The following PSORS1C1 variants were observed in gnomAD, a reference collection of about 807,000 sequenced individuals.
The protein encoded by PSORS1C1 is psoriasis susceptibility 1 candidate gene 1 protein.
Under a neutral mutation model 9.4 loss-of-function variants are expected in PSORS1C1, and 7 were observed. The ratio of observed to expected loss-of-function variants is 0.75; its 90% CI spans 0.42 to 1.40. The LOEUF (loss-of-function observed/expected upper bound fraction) is 1.40. Ranked by LOEUF, PSORS1C1 falls within the 40% of genes most tolerant of loss-of-function variation. The pLI, the probability that PSORS1C1 is intolerant of heterozygous loss-of-function variation, is 0.01. For synonymous variants in PSORS1C1, 63 were observed against 69.4 expected (o/e 0.91, Z 0.46); for missense variants, 146 against 178.1 (o/e 0.82, Z 1.02).
At chr6:31,127,508 G>C (rs6932435) in intron 2 of PSORS1C1, among the ~76,000 whole-genome samples, 36,875 of 151,482 alleles carry the variant, frequency 0.24, 4,849 homozygotes, top group Middle Eastern at 0.37. Flanking sequence ...TCGGTGCCGA[G>C]GTCTGCCCAT....
At chr6:31,119,785 A>T (rs3091255) in intron 1 of PSORS1C1, among the ~76,000 whole-genome samples, 62,126 of 151,948 alleles carry the variant, frequency 0.41, 13,540 homozygotes, top group African/African-American at 0.57. Flanking sequence ...GGGCACCTGT[A>T]GTCCCAGCTA....
chr6:31,127,677 G>C (rs900528146), intron 2 of PSORS1C1, among the ~76,000 whole-genome samples: 1 of 151,848 alleles, frequency 6.6e-6, no homozygotes, highest in African/African-American at 2.4e-5. Flanking sequence ...AGCCGGGTGT[G>C]GTGGTGAACA....
At position 31,139,220 on chromosome 6, in the gene PSORS1C1, T is replaced by A; in HGVS notation, c.168-421T>A. 1.7e-6 allele frequency: 1 copy of A among 595,326 alleles called. No homozygotes were observed. Among genetic ancestry groups the A allele is most frequent in the Non-Finnish European group, 3.0e-6 (1 of 334,364 alleles). The allele number at this position is 595,326 out of a possible 1,614,324, so 36.9% of individuals were successfully genotyped here. A position where few individuals can be genotyped will look rare whatever the true frequency, so the allele number is the denominator to read the frequency against. On this transcript the variant is annotated intron_variant, in intron 5 of 5. Transcript: ENST00000259881. The surrounding 1 kb of genome is among the most constrained non-coding windows in gnomAD (Gnocchi z 5.2). ...CTGAAGGTGGCGTCCCTTATTTTAG[T>A]CCTCCAGCCCAGGACCCAGCTGCCT...
intron 1 of PSORS1C1, chr6:31,117,722 T>C: frequency 1.6e-6 from 1 of 609,672 alleles, no homozygotes; most frequent in South Asian, 2.0e-5. Flanking sequence ...AAGGCATTTC[T>C]TTGTTTGGGA....
At position 31,139,151 on chromosome 6, in the gene PSORS1C1, A is replaced by G. The variant is rs541936071; in HGVS notation, c.167+372A>G. ...TGGCACAGGAATACCATCAGAACAG[A>G]ACTGGTCAAACCCGTTGGGAAGGCC... is the stretch of plus-strand genomic sequence containing the variant. On this transcript the variant is annotated intron_variant, in intron 5 of 5. Transcript: ENST00000259881. This position sits in a 1 kb window ranked among gnomAD's most constrained non-coding sequence, Gnocchi z 5.2. 1.3e-6 allele frequency: 1 copy of G among 743,458 alleles called. No homozygotes were observed. Among genetic ancestry groups the G allele is most frequent in the Non-Finnish European group, 2.3e-6 (1 of 436,264 alleles). 46.1% of individuals were successfully genotyped at this position (743,458 alleles called of 1,614,324 possible).
Position 31,115,668 on chromosome 6 carries a change from A to G in PSORS1C1, c.-229+777A>G. 6.2e-6 allele frequency: 2 copies of G among 324,338 alleles called. No homozygotes were observed. Among genetic ancestry groups the G allele is most frequent in the Non-Finnish European group, 1.1e-5 (2 of 176,338 alleles). The allele number at this position is 324,338 out of a possible 1,614,324, so 20.1% of individuals were successfully genotyped here. ...GTCAGAGGTGCTCTGAGAGCATTTC[A>G]GGGGTTTCCCAGTTGAGAAGCTGAT... On this transcript the variant is annotated intron_variant, in intron 1 of 5. Transcript: ENST00000259881. The surrounding 1 kb of genome is among the most constrained non-coding windows in gnomAD (Gnocchi z 4.2).
rs538857625 is a variant in PSORS1C1, at chr6:31,136,385, C to T, written c.14-2045C>T. 3.5e-4 allele frequency among the ~76,000 whole-genome samples: 47 copies of T among 134,222 alleles called. No individual in the cohort carries two copies. In the South Asian group the frequency reaches 8.7e-3, roughly 25 times the overall value. The allele number at this position is 134,222 out of a possible 152,430, so 88.1% of individuals were successfully genotyped here. ...CAGCCTGGGCGACAGAGAGATAATACGTCTCAAAAAAAAAAAAAAAGAAAA... is the reference window on the plus strand; with the variant it reads ...CAGCCTGGGCGACAGAGAGATAATATGTCTCAAAAAAAAAAAAAAAGAAAA... On this transcript the variant is annotated intron_variant, in intron 3 of 5. Transcript: ENST00000259881.
rs150257303 is a variant in PSORS1C1 at position 31,126,124 on chromosome 6, C to G, written c.-65+285C>G. On this transcript the variant is annotated intron_variant, in intron 2 of 5. Coordinates refer to ENST00000259881, the MANE Select transcript of PSORS1C1 (RefSeq NM_014068.3). ...TCTGACACAGCCACTCATGCAACACCCTGTGCAATCTCGGCCTGGGCCTGT... is the reference window on the plus strand; with the variant it reads ...TCTGACACAGCCACTCATGCAACACGCTGTGCAATCTCGGCCTGGGCCTGT... Among the ~76,000 whole-genome samples the G allele has an allele frequency of 9.7e-3, 1,479 of 152,330 alleles. 11 individuals are homozygous for G. Among genetic ancestry groups the G allele is most frequent in the Non-Finnish European group, 0.015 (1,028 of 68,034 alleles).
chr6:31,133,433 G>A (rs866643908), intron 3 of PSORS1C1: 4 of 152,228 alleles, frequency 2.6e-5, no homozygotes, highest in Non-Finnish European at 5.9e-5. Context: ...CCTAGAGCTG[G>A]TGGTTCTGGC....
chr6:31,116,952 G>A, intron 1 of PSORS1C1: 2 of 1,614,232 alleles, frequency 1.2e-6, no homozygotes, highest in East Asian at 2.2e-5. Flanking sequence ...AGTCGGGGAT[G>A]TCCGAACTAC....
intron 2 of PSORS1C1, among the ~76,000 whole-genome samples, chr6:31,127,444 G>A (rs1772727031): frequency 6.6e-6 from 1 of 152,122 alleles, no homozygotes; most frequent in African/African-American, 2.4e-5. Context: ...CCTGGGACTA[G>A]AACATCTTCA....
At chr6:31,120,538 TGG>T in intron 1 of PSORS1C1, 2 of 883,658 alleles carry the variant, frequency 2.3e-6, no homozygotes, top group Middle Eastern at 2.3e-4. Flanking sequence ...GTGGAGGGGG[TGG>T]GTGCCCCAGG....
At chr6:31,133,589 G>A (rs1410580577) in intron 3 of PSORS1C1, 1 of 152,254 alleles carries the variant, frequency 6.6e-6, no homozygotes, top group African/African-American at 2.4e-5. Flanking sequence ...AGCCTCCCCT[G>A]ACTAGTCCAG....
intron 3 of PSORS1C1, chr6:31,137,957 G>C (rs373745303): frequency 2.0e-6 from 3 of 1,483,346 alleles, no homozygotes; most frequent in Non-Finnish European, 2.7e-6. Flanking sequence ...TCCATTATCT[G>C]TACTCTTCCC....
intron 3 of PSORS1C1, among the ~76,000 whole-genome samples, chr6:31,131,013 A>T (rs1772887455): frequency 6.6e-6 from 1 of 152,082 alleles, no homozygotes; most frequent in Middle Eastern, 3.4e-3. Flanking sequence ...GTTTGTTCAG[A>T]GACAGGGTCT....
At position 31,138,153 on chromosome 6, in the gene PSORS1C1, C is replaced by G. The variant is rs773933739; in HGVS notation, c.14-277C>G. The G allele has an allele frequency of 5.6e-6, 9 of 1,603,444 alleles. No homozygotes were observed. In the African/African-American group the frequency reaches 1.1e-4, roughly 19 times the overall value. On this transcript the variant is annotated intron_variant, in intron 3 of 5. Coordinates refer to ENST00000259881, the MANE Select transcript of PSORS1C1 (RefSeq NM_014068.3). Reference sequence around the variant, plus strand: ...TTCAGGCAGGTCTCTCCAGGGACGACTGGGGCGGGTAGGCGGAGGATCTTC... The same window carrying G: ...TTCAGGCAGGTCTCTCCAGGGACGAGTGGGGCGGGTAGGCGGAGGATCTTC...
Position 31,139,048 on chromosome 6 carries a change from G to C in PSORS1C1, c.167+269G>C, listed in dbSNP as rs765661196. The C allele has an allele frequency of 6.2e-7, 1 of 1,612,638 alleles. No individual in the cohort carries two copies. Among genetic ancestry groups the C allele is most frequent in the Non-Finnish European group, 8.5e-7 (1 of 1,178,742 alleles). ...TCATGGCTATGTACTGGCCCCCAAA[G>C]CTGGGGTGGGCTGAGTCTGGGTGCC... On this transcript the variant is annotated intron_variant, in intron 5 of 5. Transcript: ENST00000259881. The surrounding 1 kb of genome is among the most constrained non-coding windows in gnomAD (Gnocchi z 5.2).
intron 2 of PSORS1C1, among the ~76,000 whole-genome samples, chr6:31,126,562 C>T (rs1772690625): frequency 6.6e-6 from 1 of 152,164 alleles, no homozygotes. Context: ...TATGGAATGG[C>T]CTCCTGGAGC....
chr6:31,133,440 T>C (rs1414955795), intron 3 of PSORS1C1: 1 of 152,272 alleles, frequency 6.6e-6, no homozygotes, highest in Non-Finnish European at 1.5e-5. Context: ...CTGGTGGTTC[T>C]GGCCACGAGA....
Sources: gnomAD v4.1 joint callset for allele counts (sites outside exome capture counted in the v4.1 genomes callset) on GRCh38, gnomAD v4.1.1 for gene constraint, Gnocchi (gnomAD v3.1) non-coding constraint, MANE v1.5 for transcripts, NCBI Gene and HGNC (gene_info 2026-07-23, HGNC 2026-07-21) for gene names.